SCYL2: variants seen among roughly 807,000 people sequenced by gnomAD.
SCYL2 encodes the protein SCY1 like pseudokinase 2, also known as SCY1-like protein 2.
In SCYL2, 36 loss-of-function variants were observed where a neutral mutation model predicts 100.4. The observed-to-expected ratio is 0.36, with a 90% CI of 0.27 to 0.47. SCYL2 has a LOEUF of 0.47. Ranked by LOEUF, SCYL2 falls within the 20% of genes least tolerant of loss-of-function variation. The pLI is 1.00. For synonymous variants in SCYL2, 330 were observed against 359.2 expected (o/e 0.92, Z 0.92); for missense variants, 902 against 1,083.9 (o/e 0.83, Z 2.36).
intron 1 of SCYL2, among the ~76,000 whole-genome samples, chr12:100,270,101 C>T (rs1220369872): frequency 6.6e-6 from 1 of 151,972 alleles, no homozygotes; most frequent in African/African-American, 2.4e-5. Context: ...ATTCTCCTGC[C>T]TCAGCCTCCC....
At chr12:100,279,866 G>A (rs566275471) in intron 1 of SCYL2, among the ~76,000 whole-genome samples, 1 of 152,374 alleles carries the variant, frequency 6.6e-6, no homozygotes, top group Admixed American at 6.5e-5. Context: ...GCATAAGCAT[G>A]TGTGGGACCA....
chr12:100,322,676 T>C (rs1211175990), intron 10 of SCYL2, among the ~76,000 whole-genome samples: 3 of 151,806 alleles, frequency 2.0e-5, no homozygotes, highest in Non-Finnish European at 4.4e-5. Context: ...CTGGCCAGTA[T>C]GGTGAAACCC....
chr12:100,309,515 A>G (rs559281269), intron 4 of SCYL2, among the ~76,000 whole-genome samples: 2 of 152,204 alleles, frequency 1.3e-5, no homozygotes, highest in South Asian at 4.1e-4. Context: ...ATGTTAGCAT[A>G]ATGTTCTCAA....
At chr12:100,317,584 A>G in intron 9 of SCYL2, 1 of 1,077,498 alleles carries the variant, frequency 9.3e-7, no homozygotes, top group South Asian at 2.4e-5. Context: ...ATTAGTCTTT[A>G]TTTAATTAAC....
chr12:100,279,690 G>A (rs1432203764), intron 1 of SCYL2, among the ~76,000 whole-genome samples: 1 of 152,170 alleles, frequency 6.6e-6, no homozygotes, highest in Non-Finnish European at 1.5e-5. Context: ...CACTATTAAG[G>A]CATGGTTCTT....
At chr12:100,292,834 C>T (rs908655589) in intron 3 of SCYL2, among the ~76,000 whole-genome samples, 2 of 152,034 alleles carry the variant, frequency 1.3e-5, no homozygotes, top group East Asian at 1.9e-4. Flanking sequence ...GTTGATTGAT[C>T]GAGACAAGAG....
Position 100,341,153 on chromosome 12 carries a change from A to G in SCYL2, c.*1981A>G, listed in dbSNP as rs2040394733. The G allele has an allele frequency of 6.6e-6, 1 of 152,110 alleles. No homozygotes were observed. Among genetic ancestry groups the G allele is most frequent in the South Asian group, 2.1e-4 (1 of 4,834 alleles). 9.4% of individuals were successfully genotyped at this position (152,110 alleles called of 1,614,324 possible). On this transcript the variant is annotated 3_prime_UTR_variant, in exon 18 of 18. Coordinates refer to ENST00000360820, the MANE Select transcript of SCYL2 (RefSeq NM_017988.6). ...GTTGAGGTAATGGTGCTATGTTTTT[A>G]CAAAATTGTTCCTACACCTTTTTTC...
chr12:100,323,843 CCTTTA>C (rs1177686506), intron 11 of SCYL2: 5 of 320,228 alleles, frequency 1.6e-5, no homozygotes, highest in African/African-American at 1.1e-4. Flanking sequence ...ACTTGCTGTC[CCTTTA>C]CTTTGAGTGC....
At chr12:100,330,854 A>G (rs1181077750) in intron 13 of SCYL2, among the ~76,000 whole-genome samples, 6 of 136,710 alleles carry the variant, frequency 4.4e-5, no homozygotes, top group Non-Finnish European at 7.7e-5. Flanking sequence ...TTTGAGATGG[A>G]GTCTCGCCCT....
intron 15 of SCYL2, 52 bp downstream of exon 15, chr12:100,335,743 T>C: frequency 6.3e-7 from 1 of 1,590,214 alleles, no homozygotes; most frequent in Non-Finnish European, 8.6e-7. Context: ...GGAGGGCTTT[T>C]AATCTTTAAG....
chr12:100,295,028 G>A (rs2096317391), intron 3 of SCYL2, among the ~76,000 whole-genome samples: 1 of 151,808 alleles, frequency 6.6e-6, no homozygotes, highest in Non-Finnish European at 1.5e-5. Flanking sequence ...CGGGGTCGCG[G>A]CCGGGCAGAG....
At chr12:100,292,126 T>C (rs2096311372) in intron 3 of SCYL2, 1 of 152,750 alleles carries the variant, frequency 6.5e-6, no homozygotes, top group Admixed American at 6.5e-5. Context: ...CATCTATTTT[T>C]CTCAAGGGTG....
chr12:100,336,659 T>G (rs1022065908), intron 16 of SCYL2, among the ~76,000 whole-genome samples: 2 of 152,132 alleles, frequency 1.3e-5, no homozygotes, highest in Non-Finnish European at 2.9e-5. Context: ...TAGATCTGAT[T>G]CCATCTCATA....
chr12:100,326,046 C>G (rs190872287), intron 11 of SCYL2, among the ~76,000 whole-genome samples: 57 of 151,918 alleles, frequency 3.8e-4, no homozygotes, highest in Non-Finnish European at 4.7e-4. Context: ...TTAAGAAATT[C>G]CAAATAGAAG....
chr12:100,291,484 A>G lies in SCYL2; in HGVS notation c.178-19A>G. 6.9e-7 allele frequency: 1 copy of G among 1,438,938 alleles called. No individual in the cohort carries two copies. Among genetic ancestry groups the G allele is most frequent in the South Asian group, 1.4e-5 (1 of 73,496 alleles). 89.1% of individuals were successfully genotyped at this position (1,438,938 alleles called of 1,614,324 possible). On this transcript the variant is annotated intron_variant, in intron 2 of 17. Transcript: ENST00000360820. The stretch of plus-strand genomic sequence containing the variant: ...TTTTCTATATTTCTTGACTAAAATT[A>G]CACAATTCTTTTATTTAGGAAGTGG...
intron 4 of SCYL2, among the ~76,000 whole-genome samples, chr12:100,310,494 C>T (rs954499509): frequency 6.6e-6 from 1 of 152,188 alleles, no homozygotes; most frequent in Admixed American, 6.5e-5. Context: ...AAAGCTACTC[C>T]TTGGAAACAG....
At chr12:100,320,868 T>C (rs2096355023) in intron 10 of SCYL2, among the ~76,000 whole-genome samples, 1 of 152,200 alleles carries the variant, frequency 6.6e-6, no homozygotes, top group Non-Finnish European at 1.5e-5. Flanking sequence ...CTGCTTACAC[T>C]TGCCCATTCT....
At chr12:100,302,582 C>G (rs1033697927) in intron 4 of SCYL2, among the ~76,000 whole-genome samples, 1 of 152,274 alleles carries the variant, frequency 6.6e-6, no homozygotes, top group Admixed American at 6.5e-5. Context: ...TGAATATTAG[C>G]CCCCACTGTC....
At chr12:100,332,021 G>A (rs1051099039) in intron 13 of SCYL2, among the ~76,000 whole-genome samples, 1 of 152,164 alleles carries the variant, frequency 6.6e-6, no homozygotes, top group Admixed American at 6.5e-5. Context: ...GTTATGCCCA[G>A]GCTGTGCTCT....
Sources: gnomAD v4.1 joint callset for allele counts (sites outside exome capture counted in the v4.1 genomes callset) on GRCh38, gnomAD v4.1.1 for gene constraint, MANE v1.5 for transcripts, NCBI Gene and HGNC (gene_info 2026-07-23, HGNC 2026-07-21) for gene names.